Variants in CHD5 observed in about 807,000 individuals in gnomAD.
CHD5 encodes the protein ATP-dependent chromatin remodeler CHD5.
In CHD5, 69 loss-of-function variants were observed where a neutral mutation model predicts 230.3. That is an observed-to-expected ratio of 0.30 (90% CI 0.25 to 0.37). The LOEUF (loss-of-function observed/expected upper bound fraction) is 0.37, where lower values mean the gene tolerates loss of function less well. CHD5 is among the 10% of genes least tolerant of loss of function. CHD5 has a pLI of 1.00. For missense variants in CHD5, 1,827 were observed against 2,622.8 expected, an observed-to-expected ratio of 0.70 and a Z score of 6.63; for synonymous variants, 1,064 against 1,065.9, an observed-to-expected ratio of 1.00 and a Z score of 0.03.
rs1666895392 is a variant in CHD5 at position 6,145,461 on chromosome 1, G to T, written c.1802+751C>A. On this transcript the variant is annotated intron_variant, in intron 11 of 41. Transcript: ENST00000262450. ...CAGGTACTCTGGGCCCCACCCCAAGGCCCATCTGTCAGCCACCACCAGTTC... is the reference window on the plus strand; with the variant it reads ...CAGGTACTCTGGGCCCCACCCCAAGTCCCATCTGTCAGCCACCACCAGTTC... 2.0e-5 allele frequency among the ~76,000 whole-genome samples: 3 copies of T among 152,294 alleles called. No individual in the cohort carries two copies. In the South Asian group the frequency reaches 6.2e-4, roughly 32 times the overall value.
chr1:6,175,872 G>A (rs1277846372), intron 1 of CHD5, among the ~76,000 whole-genome samples: 1 of 151,904 alleles, frequency 6.6e-6, no homozygotes, highest in Non-Finnish European at 1.5e-5. Flanking sequence ...GACGAATAGT[G>A]CATGGATGAA....
At position 6,105,139 on chromosome 1, in the gene CHD5, T is replaced by C. The variant is rs906060692; in HGVS notation, c.*335A>G. 9.7e-5 allele frequency: 33 copies of C among 339,090 alleles called. No homozygotes were observed. The highest frequency in any genetic ancestry group is 1.6e-4 in the Non-Finnish European group (27 of 172,132). The allele number at this position is 339,090 out of a possible 1,614,324, so 21.0% of individuals were successfully genotyped here. A position where few individuals can be genotyped will look rare whatever the true frequency, so the allele number is the denominator to read the frequency against. On this transcript the variant is annotated 3_prime_UTR_variant, in exon 42 of 42. Transcript: ENST00000262450. The surrounding 1 kb of genome is among the most constrained non-coding windows in gnomAD (Gnocchi z 4.8). The stretch of plus-strand genomic sequence containing the variant: ...AAGACAAACGTGTTCAAGTCTTCAA[T>C]AGGAAAGTGCAAAAGATGTACAAAT...
chr1:6,105,952 CAT>C lies in CHD5; in HGVS notation c.*46+280_*46+281del, dbSNP rs1254460995. Among the ~76,000 whole-genome samples the C allele has an allele frequency of 4.6e-5, 7 of 152,266 alleles. No homozygotes were observed. The South Asian group carries it at 8.3e-4, about 18-fold the overall frequency. Reference sequence around the variant, plus strand: ...GGGAACATGTGTGCAAATGAGAACACATGTGCACACACAGGAGCTCACCCAAG... The same window carrying C: ...GGGAACATGTGTGCAAATGAGAACACGTGCACACACAGGAGCTCACCCAAG... On this transcript the variant is annotated intron_variant, in intron 41 of 41. Transcript: ENST00000262450. This position sits in a 1 kb window ranked among gnomAD's most constrained non-coding sequence, Gnocchi z 4.8.
At chr1:6,178,891 T>C (rs1667465573) in intron 1 of CHD5, among the ~76,000 whole-genome samples, 1 of 152,158 alleles carries the variant, frequency 6.6e-6, no homozygotes, top group Admixed American at 6.5e-5. Flanking sequence ...AGGGGCCAGA[T>C]GCACGTTCCT....
intron 1 of CHD5, among the ~76,000 whole-genome samples, chr1:6,172,684 C>CCAG (rs1667357869): frequency 6.6e-6 from 1 of 152,148 alleles, no homozygotes; most frequent in South Asian, 2.1e-4. Context: ...CTGTGTAAAC[C>CCAG]GGCTCGGTGG....
In CHD5 at chr1:6,121,330, T is replaced by C; in HGVS notation, c.4780-93A>G. ...GCGCTGGGCTGGGAACCCAGTCTCC[T>C]GGCTCCCGTCGCTTGCTCCTAGCCT... On this transcript the variant is annotated intron_variant, in intron 32 of 41. Coordinates refer to ENST00000262450, the MANE Select transcript of CHD5 (RefSeq NM_015557.3). The surrounding 1 kb of genome is among the most constrained non-coding windows in gnomAD (Gnocchi z 4.5). The C allele has an allele frequency of 6.5e-7, 1 of 1,546,476 alleles. No homozygotes were observed. Among genetic ancestry groups the C allele is most frequent in the South Asian group, 1.2e-5 (1 of 84,040 alleles).
chr1:6,173,101 G>T lies in CHD5; in HGVS notation c.80-4824C>A, dbSNP rs563821223. Reference sequence around the variant, plus strand: ...CTCTCTCCAGGACCTGGGGAGAGGCGTTATTTCTTTTTTTTTTTTTTTAGA... The same window carrying T: ...CTCTCTCCAGGACCTGGGGAGAGGCTTTATTTCTTTTTTTTTTTTTTTAGA... On this transcript the variant is annotated intron_variant, in intron 1 of 41. Coordinates refer to ENST00000262450, the MANE Select transcript of CHD5 (RefSeq NM_015557.3). 1.4e-3 allele frequency among the ~76,000 whole-genome samples: 192 copies of T among 141,184 alleles called. 1 individual carries two copies. The highest frequency in any genetic ancestry group is 5.4e-3 in the African/African-American group (177 of 33,022). 92.6% of individuals were successfully genotyped at this position (141,184 alleles called of 152,430 possible).
Position 6,106,674 on chromosome 1 carries a change from G to A in CHD5, c.5684C>T (p.Ser1895Leu). ...IPPVAARLQM[S>L]ERSILSRLTN... ...CAGGCGGCTCAGGATGCTGCGCTCC[G>A]ACATCTGCAGCCGGGCGGCCACCGG... Residue 1895 changes from serine to leucine, a missense_variant, in exon 39 of 42, where the codon TCG becomes TTG. Ser to Leu is a moderately radical substitution (Grantham distance 145). Transcript: ENST00000262450. 6.2e-7 allele frequency: 1 copy of A among 1,610,632 alleles called. No homozygotes were observed. The highest frequency in any genetic ancestry group is 8.5e-7 in the Non-Finnish European group (1 of 1,179,168).
At chr1:6,159,181 G>A (rs1382989662) in intron 3 of CHD5, among the ~76,000 whole-genome samples, 155 bp downstream of exon 3, 2 of 151,528 alleles carry the variant, frequency 1.3e-5, no homozygotes, top group African/African-American at 2.4e-5. Context: ...GCAGTGAGCC[G>A]AGGTCACGCC....
rs1184089021 is a variant in CHD5, at chr1:6,134,036, G to A, written c.3144+92C>T. ...ACATGGGAACGGCACTGGGCCCTGA[G>A]GGGTGCCAGCAAGTTTGCGCCCCCA... On this transcript the variant is annotated intron_variant, in intron 20 of 41. Coordinates refer to ENST00000262450, the MANE Select transcript of CHD5 (RefSeq NM_015557.3). This position sits in a 1 kb window ranked among gnomAD's most constrained non-coding sequence, Gnocchi z 6.3. The A allele has an allele frequency of 2.3e-6, 3 of 1,301,630 alleles. No individual in the cohort carries two copies. The highest frequency in any genetic ancestry group is 1.4e-5 in the African/African-American group (1 of 69,494). 80.6% of individuals were successfully genotyped at this position (1,301,630 alleles called of 1,614,324 possible).
In CHD5 at chr1:6,121,420, G is replaced by A; in HGVS notation, c.4779+74C>T. 6.7e-7 allele frequency: 1 copy of A among 1,496,132 alleles called. No homozygotes were observed. 92.7% of individuals were successfully genotyped at this position (1,496,132 alleles called of 1,614,324 possible). ...GGCCTGGGTTCCACCTCGCTGTACA[G>A]GGCCTGAGAAGGTCCCCAGACCCAA... On this transcript the variant is annotated intron_variant, in intron 32 of 41. Transcript: ENST00000262450. This position sits in a 1 kb window ranked among gnomAD's most constrained non-coding sequence, Gnocchi z 4.5.
Position 6,179,558 on chromosome 1 carries a change from G to A in CHD5, c.79+387C>T, listed in dbSNP as rs545586164. On this transcript the variant is annotated intron_variant, in intron 1 of 41. Transcript: ENST00000262450. ...AGCGAGGCCAGAGGCGCACGGCGGC[G>A]GGACGCGAGCGCGGGGTGCGCCGCT... Among the ~76,000 whole-genome samples, 1,068 of 151,504 alleles carry A rather than the reference G, an allele frequency of 7.0e-3. 15 individuals are homozygous for A. Among genetic ancestry groups the A allele is most frequent in the African/African-American group, 0.025 (1,018 of 41,444 alleles).
intron 15 of CHD5, among the ~76,000 whole-genome samples, chr1:6,139,065 C>T (rs1039169308): frequency 5.9e-5 from 9 of 152,126 alleles, no homozygotes; most frequent in African/African-American, 1.7e-4. Flanking sequence ...TAGTCAACCT[C>T]GTGGAGACAG....
intron 15 of CHD5, among the ~76,000 whole-genome samples, chr1:6,140,235 G>A (rs1666806957): frequency 6.6e-6 from 1 of 152,076 alleles, no homozygotes; most frequent in African/African-American, 2.4e-5. Flanking sequence ...CCCAGTCTCT[G>A]CTAAACATAC....
Position 6,126,839 on chromosome 1 carries a change from C to G in CHD5, c.3904-93G>C. 8.3e-7 allele frequency: 1 copy of G among 1,200,830 alleles called. No homozygotes were observed. The highest frequency in any genetic ancestry group is 1.4e-5 in the South Asian group (1 of 70,044). The allele number at this position is 1,200,830 out of a possible 1,614,324, so 74.4% of individuals were successfully genotyped here. ...CTCCACCTGACCTGCCCTTTGCCCC[C>G]TCAGGGCTCAAGGATTAATGGGATG... On this transcript the variant is annotated intron_variant, in intron 25 of 41. Coordinates refer to ENST00000262450, the MANE Select transcript of CHD5 (RefSeq NM_015557.3). The surrounding 1 kb of genome is among the most constrained non-coding windows in gnomAD (Gnocchi z 5.7).
At chr1:6,174,513 GTGGATGGA>G (rs113035924) in intron 1 of CHD5, among the ~76,000 whole-genome samples, 5 of 148,784 alleles carry the variant, frequency 3.4e-5, no homozygotes, top group Admixed American at 1.3e-4. Flanking sequence ...TGGATGGTGG[GTGGATGGA>G]TGGATGGATG....
chr1:6,178,308 C>T (rs1389494062), intron 1 of CHD5, among the ~76,000 whole-genome samples: 1 of 152,090 alleles, frequency 6.6e-6, no homozygotes, highest in Non-Finnish European at 1.5e-5. Context: ...CCCTCCCCAA[C>T]CTCTAAGTCC....
chr1:6,180,041 G>A lies in CHD5; in HGVS notation c.-18C>T, dbSNP rs1442288475. ...CCCCGCATGCCCGGCGCGGGGAGGA[G>A]GGGAGGTGGGCGCCCCCCCTCCCGC... On this transcript the variant is annotated 5_prime_UTR_variant, in exon 1 of 42. Transcript: ENST00000262450. The A allele has an allele frequency of 1.6e-6, 2 of 1,285,506 alleles. No homozygotes were observed. The highest frequency in any genetic ancestry group is 2.0e-6 in the Non-Finnish European group (2 of 1,000,260). 79.6% of individuals were successfully genotyped at this position (1,285,506 alleles called of 1,614,324 possible). A position where few individuals can be genotyped will look rare whatever the true frequency, so the allele number is the denominator to read the frequency against.
At chr1:6,110,147 C>T (rs1382099454) in intron 37 of CHD5, among the ~76,000 whole-genome samples, 157 bp from the exon 38 acceptor site, 1 of 152,204 alleles carries the variant, frequency 6.6e-6, no homozygotes, top group East Asian at 1.9e-4. Context: ...GTGGCCAACC[C>T]TTGGAGCTGT....
Sources: gnomAD v4.1 joint callset for allele counts (sites outside exome capture counted in the v4.1 genomes callset) on GRCh38, gnomAD v4.1.1 for gene constraint, Gnocchi (gnomAD v3.1) non-coding constraint, MANE v1.5 for transcripts, NCBI Gene and HGNC (gene_info 2026-07-23, HGNC 2026-07-21) for gene names.